Variants in ZSWIM5 observed in about 807,000 individuals in gnomAD.
The protein encoded by ZSWIM5 is zinc finger SWIM-type containing 5, also known as zinc finger SWIM domain-containing protein 5.
A neutral mutation model predicts 119.6 loss-of-function variants in ZSWIM5; 55 were observed. The observed-to-expected ratio is 0.46, with a 90% CI of 0.37 to 0.58. The LOEUF (loss-of-function observed/expected upper bound fraction) is 0.58. ZSWIM5 is among the 20% of genes least tolerant of loss of function. The pLI is 0.00. For missense variants in ZSWIM5, 1,193 were observed against 1,512.8 expected (o/e 0.79, Z 3.51); for synonymous variants, 537 against 606.9 (o/e 0.88, Z 1.69).
chr1:45,180,954 C>CA (rs1163988112), intron 1 of ZSWIM5, among the ~76,000 whole-genome samples: 3 of 151,972 alleles, frequency 2.0e-5, no homozygotes, highest in African/African-American at 4.8e-5. Context: ...CATCAAAGAC[C>CA]AAAAGTACAT....
chr1:45,058,020 T>C lies in ZSWIM5; in HGVS notation c.1252+589A>G, dbSNP rs542759204. 3.9e-5 allele frequency among the ~76,000 whole-genome samples: 6 copies of C among 152,310 alleles called. No homozygotes were observed. In the East Asian group the frequency reaches 1.2e-3, roughly 29 times the overall value. On this transcript the variant is annotated intron_variant, in intron 4 of 13. Transcript: ENST00000359600. The stretch of plus-strand genomic sequence containing the variant: ...AATGCCAGTCACAAGAGCCTTTTTT[T>C]GTAGGAGAAAGCCCAAGTTCATTTT...
intron 1 of ZSWIM5, among the ~76,000 whole-genome samples, chr1:45,196,060 A>G (rs1470191184): frequency 8.5e-6 from 1 of 117,582 alleles, no homozygotes; most frequent in African/African-American, 3.1e-5. Context: ...TTTTTTTTTA[A>G]AGATGAGGTC....
intron 1 of ZSWIM5, among the ~76,000 whole-genome samples, chr1:45,114,558 AATTG>A (rs1645536328): frequency 6.6e-6 from 1 of 152,158 alleles, no homozygotes. Flanking sequence ...CTTTTTCAAT[AATTG>A]ATAGAAAAAA....
At chr1:45,075,064 G>A (rs1466258141) in intron 2 of ZSWIM5, among the ~76,000 whole-genome samples, 1 of 151,762 alleles carries the variant, frequency 6.6e-6, no homozygotes, top group Non-Finnish European at 1.5e-5. Flanking sequence ...TTATTCCATT[G>A]TGGTCAGAGA....
At chr1:45,063,143 G>A (rs771994531) in intron 2 of ZSWIM5, among the ~76,000 whole-genome samples, 4 of 152,072 alleles carry the variant, frequency 2.6e-5, no homozygotes, top group Non-Finnish European at 4.4e-5. Flanking sequence ...TTGCTGCAGA[G>A]GAAATTATTT....
At chr1:45,114,211 GAGA>G (rs1337948684) in intron 1 of ZSWIM5, among the ~76,000 whole-genome samples, 3 of 152,188 alleles carry the variant, frequency 2.0e-5, no homozygotes, top group Admixed American at 1.3e-4. Context: ...GAAGGTTGGG[GAGA>G]AGATCATTCA....
At chr1:45,026,177 G>C (rs1644919134) in intron 11 of ZSWIM5, among the ~76,000 whole-genome samples, 1 of 152,046 alleles carries the variant, frequency 6.6e-6, no homozygotes, top group Admixed American at 6.6e-5. Flanking sequence ...TGGAACTATA[G>C]GAGTGTGCCC....
chr1:45,074,228 C>T (rs1645242689), intron 2 of ZSWIM5, among the ~76,000 whole-genome samples: 1 of 151,878 alleles, frequency 6.6e-6, no homozygotes, highest in South Asian at 2.1e-4. Flanking sequence ...GTTTTGGTAT[C>T]AGGGTAATAT....
At chr1:45,094,109 G>T (rs962701025) in intron 1 of ZSWIM5, among the ~76,000 whole-genome samples, 1 of 150,998 alleles carries the variant, frequency 6.6e-6, no homozygotes, top group African/African-American at 2.4e-5. Flanking sequence ...AGGCTGGAGT[G>T]CAGTGGCGCA....
chr1:45,018,392 C>T lies in ZSWIM5; in HGVS notation c.*62G>A. The T allele has an allele frequency of 6.4e-7, 1 of 1,570,860 alleles. No homozygotes were observed. Among genetic ancestry groups the T allele is most frequent in the East Asian group, 2.2e-5 (1 of 44,646 alleles). ...CAGGGTGGACAAATGTTTCAGTGCC[C>T]TTGGCCTGACCTGATACTACCTGGG... is the stretch of plus-strand genomic sequence containing the variant. On this transcript the variant is annotated 3_prime_UTR_variant, in exon 14 of 14. Coordinates refer to ENST00000359600, the MANE Select transcript of ZSWIM5 (RefSeq NM_020883.2). This position sits in a 1 kb window ranked among gnomAD's most constrained non-coding sequence, Gnocchi z 6.7.
intron 2 of ZSWIM5, among the ~76,000 whole-genome samples, chr1:45,062,143 A>G (rs571220517): frequency 2.0e-5 from 3 of 152,202 alleles, no homozygotes; most frequent in Non-Finnish European, 4.4e-5. Flanking sequence ...ATGTAGTGCA[A>G]TAGATTACTA....
Position 45,018,702 on chromosome 1 carries a change from CA to C in ZSWIM5, c.3309del (p.Asp1104ThrfsTer24). The C allele has an allele frequency of 6.2e-7, 1 of 1,614,222 alleles. No homozygotes were observed. Among genetic ancestry groups the C allele is most frequent in the African/African-American group, 1.3e-5 (1 of 75,064 alleles). On this transcript the variant is annotated frameshift_variant, in exon 14 of 14. Coordinates refer to ENST00000359600, the MANE Select transcript of ZSWIM5 (RefSeq NM_020883.2). LOFTEE classifies it high-confidence loss of function. This position sits in a 1 kb window ranked among gnomAD's most constrained non-coding sequence, Gnocchi z 6.7. The stretch of plus-strand genomic sequence containing the variant: ...AGCAACTGGCGCAATGGAGCTTTGT[CA>C]GTGGACATGAGCTTTCCAGAGCTTC... ...GRRSSGKLMS[T>X]DKAPLRQLLD...
chr1:45,152,647 T>A (rs772942104), intron 1 of ZSWIM5, among the ~76,000 whole-genome samples: 6 of 152,018 alleles, frequency 3.9e-5, no homozygotes, highest in South Asian at 4.1e-4. Context: ...ACTATAAGAA[T>A]CATCTATAAG....
At chr1:45,135,474 T>C (rs1237021834) in intron 1 of ZSWIM5, among the ~76,000 whole-genome samples, 1 of 152,248 alleles carries the variant, frequency 6.6e-6, no homozygotes, top group Non-Finnish European at 1.5e-5. Flanking sequence ...GGTTTAGCTT[T>C]ATATAAACAA....
At position 45,018,082 on chromosome 1, in the gene ZSWIM5, C is replaced by T. The variant is rs1406274951; in HGVS notation, c.*372G>A. 3.9e-6 allele frequency: 1 copy of T among 259,560 alleles called. No individual in the cohort carries two copies. Among genetic ancestry groups the T allele is most frequent in the Non-Finnish European group, 7.4e-6 (1 of 135,380 alleles). The allele number at this position is 259,560 out of a possible 1,614,324, so 16.1% of individuals were successfully genotyped here. ...TAATTAGCAACACATATAGTATTTA[C>T]AGTCCCACAAATGTGTCTGTTTCTC... On this transcript the variant is annotated 3_prime_UTR_variant, in exon 14 of 14. Coordinates refer to ENST00000359600, the MANE Select transcript of ZSWIM5 (RefSeq NM_020883.2). The surrounding 1 kb of genome is among the most constrained non-coding windows in gnomAD (Gnocchi z 6.7).
At chr1:45,020,525 C>T (rs1396761309) in intron 12 of ZSWIM5, 100 bp downstream of exon 12, 1 of 1,371,586 alleles carries the variant, frequency 7.3e-7, no homozygotes, top group Non-Finnish European at 1.0e-6. Context: ...AAAGGAAGAG[C>T]CAGACTTGGC....
At chr1:45,038,268 G>T (rs752523319) in intron 8 of ZSWIM5, among the ~76,000 whole-genome samples, 1 of 152,170 alleles carries the variant, frequency 6.6e-6, no homozygotes, top group African/African-American at 2.4e-5. Flanking sequence ...TTATGCAATT[G>T]CAAGGGATAC....
At chr1:45,028,407 T>G (rs1469913096) in intron 11 of ZSWIM5, among the ~76,000 whole-genome samples, 1 of 152,200 alleles carries the variant, frequency 6.6e-6, no homozygotes, top group Admixed American at 6.5e-5. Context: ...GGGTTTCTTA[T>G]AGACAACATA....
At chr1:45,169,217 A>G (rs181571457) in intron 1 of ZSWIM5, among the ~76,000 whole-genome samples, 101 of 151,910 alleles carry the variant, frequency 6.6e-4, no homozygotes, top group African/African-American at 2.3e-3. Flanking sequence ...TATGTATCTA[A>G]GCATCTGAAA....
Sources: gnomAD v4.1 joint callset for allele counts (sites outside exome capture counted in the v4.1 genomes callset) on GRCh38, gnomAD v4.1.1 for gene constraint, Gnocchi (gnomAD v3.1) non-coding constraint, MANE v1.5 for transcripts, NCBI Gene and HGNC (gene_info 2026-07-23, HGNC 2026-07-21) for gene names.